Variants in PML observed in about 807,000 individuals in gnomAD.
PML encodes the protein protein PML.
Under a neutral mutation model 65.2 loss-of-function variants are expected in PML, and 28 were observed. The ratio of observed to expected loss-of-function variants is 0.43; its 90% CI spans 0.32 to 0.59. The LOEUF (loss-of-function observed/expected upper bound fraction) is 0.59, where lower values mean the gene tolerates loss of function less well. Among genes scored for constraint, PML ranks in the 20% least tolerant of loss-of-function variants. The probability of loss-of-function intolerance (pLI) is 0.08; values close to 1 mark genes in which losing one functional copy is unlikely to be tolerated. For missense variants in PML, 1,021 were observed against 1,203.4 expected, an observed-to-expected ratio of 0.85 and a Z score of 2.24; for synonymous variants, 500 against 508.8, an observed-to-expected ratio of 0.98 and a Z score of 0.23.
intron 3 of PML, among the ~76,000 whole-genome samples, chr15:74,024,390 C>T (rs1217771662): frequency 1.3e-5 from 2 of 152,200 alleles, no homozygotes; most frequent in Non-Finnish European, 2.9e-5. Context: ...AGAGTTTACA[C>T]AGCTTGCCTT....
intron 4 of PML, chr15:74,028,247 T>C (rs146798792): frequency 6.6e-6 from 1 of 152,346 alleles, no homozygotes; most frequent in East Asian, 1.9e-4. Flanking sequence ...TTTTCTCTAC[T>C]GAGCCCTCTG....
At chr15:74,011,866 TTTCCTGA>T (rs1386043154) in intron 2 of PML, among the ~76,000 whole-genome samples, 1 of 152,066 alleles carries the variant, frequency 6.6e-6, no homozygotes, top group Non-Finnish European at 1.5e-5. Context: ...GGATGCAGGG[TTTCCTGA>T]TTGCAGAATG....
intron 2 of PML, among the ~76,000 whole-genome samples, chr15:74,005,891 T>G (rs2070022846): frequency 6.6e-6 from 1 of 152,074 alleles, no homozygotes; most frequent in African/African-American, 2.4e-5. Flanking sequence ...AAAGCACAAT[T>G]TATACCCCAC....
intron 2 of PML, among the ~76,000 whole-genome samples, chr15:74,017,942 C>T: frequency 6.6e-6 from 1 of 152,146 alleles, no homozygotes; most frequent in East Asian, 1.9e-4. Context: ...TGAGACCAGC[C>T]TGGGCAAAAT....
chr15:74,033,976 T>A, intron 6 of PML: 1 of 329,636 alleles, frequency 3.0e-6, no homozygotes. Context: ...TCACCCAGAG[T>A]ACAGCTTTGT....
At chr15:74,027,195 A>T (rs1326311394) in intron 4 of PML, 1 of 152,208 alleles carries the variant, frequency 6.6e-6, no homozygotes, top group Non-Finnish European at 1.5e-5. Flanking sequence ...TTGTTGCTGC[A>T]TATTTAGGTT....
chr15:74,022,724 A>G, intron 2 of PML, 104 bp from the exon 3 acceptor site: 7 of 935,654 alleles, frequency 7.5e-6, no homozygotes, highest in Middle Eastern at 2.1e-4. Flanking sequence ...GAAACATGCC[A>G]TGATTCAAAG....
chr15:74,005,012 A>T (rs1426701427), intron 2 of PML, among the ~76,000 whole-genome samples: 1 of 146,958 alleles, frequency 6.8e-6, no homozygotes, highest in African/African-American at 2.5e-5. Context: ...GTGCCTGGCC[A>T]TACTTTTTAA....
rs1386372884 is a variant in PML, at chr15:74,037,321, C to A, written c.1710+2791C>A. On this transcript the variant is annotated intron_variant, in intron 7 of 8. Coordinates refer to ENST00000268058, the MANE Select transcript of PML (RefSeq NM_033238.3). This position sits in a 1 kb window ranked among gnomAD's most constrained non-coding sequence, Gnocchi z 4.2. ...TTACAGATCCCCATCGCACCCCTTC[C>A]CTGCCCTCGTTAGGGTGGAAGGGAT... 3.0e-6 allele frequency: 3 copies of A among 985,336 alleles called. No homozygotes were observed. The African/African-American group carries it at 5.2e-5, about 17-fold the overall frequency. The allele number at this position is 985,336 out of a possible 1,614,324, so 61.0% of individuals were successfully genotyped here.
Position 74,042,287 on chromosome 15 carries a change from C to G in PML, c.1711-702C>G. ...CTGGGGCAGATGCCAAGAGCCTCCA[C>G]TGCTCTCTCACTGCCAAGGACCTGG... On this transcript the variant is annotated intron_variant, in intron 7 of 8. Coordinates refer to ENST00000268058, the MANE Select transcript of PML (RefSeq NM_033238.3). This position sits in a 1 kb window ranked among gnomAD's most constrained non-coding sequence, Gnocchi z 5.3. 1 of 868,544 alleles carries G rather than the reference C, an allele frequency of 1.2e-6. No homozygotes were observed. Among genetic ancestry groups the G allele is most frequent in the Non-Finnish European group, 1.4e-6 (1 of 723,168 alleles). 53.8% of individuals were successfully genotyped at this position (868,544 alleles called of 1,614,324 possible).
At chr15:74,036,474 A>C in intron 7 of PML, 10 of 1,223,924 alleles carry the variant, frequency 8.2e-6, no homozygotes, top group Admixed American at 3.6e-5. Flanking sequence ...TCTCTTCCCT[A>C]TGCTGGAACT....
intron 4 of PML, among the ~76,000 whole-genome samples, chr15:74,030,957 T>C: frequency 6.6e-6 from 1 of 152,164 alleles, no homozygotes; most frequent in Non-Finnish European, 1.5e-5. Context: ...TGATTAAATT[T>C]TTTTCTTTTT....
In PML at chr15:74,044,748, C is replaced by T. The variant is rs565387284; in HGVS notation, c.2389C>T (p.Leu797Phe). 4.6e-5 allele frequency: 74 copies of T among 1,612,424 alleles called. No homozygotes were observed. The South Asian group carries it at 7.7e-4, about 17-fold the overall frequency. The change falls in exon 9 of 9, where the codon CTC (leucine) becomes TTC (phenylalanine). Residue 797 changes from leucine (L) to phenylalanine (F), a missense_variant. By Grantham distance (22) the Leu-to-Phe change is conservative. Coordinates refer to ENST00000268058, the MANE Select transcript of PML (RefSeq NM_033238.3). Reference protein sequence around the residue: ...AAVLPRAEARLLALHNVSFME... With the variant: ...AAVLPRAEARFLALHNVSFME... ...TGTGCTGCCCCGGGCTGAGGCCCGC[C>T]TCCTGGCCCTACACAACGTGAGCTT...
intron 4 of PML, among the ~76,000 whole-genome samples, chr15:74,032,116 TCTAAGTAGGG>T (rs965852680): frequency 6.6e-6 from 1 of 152,186 alleles, no homozygotes; most frequent in Non-Finnish European, 1.5e-5. Context: ...GAGGTGTGTG[TCTAAGTAGGG>T]CTAATTACTG....
intron 2 of PML, among the ~76,000 whole-genome samples, chr15:73,998,836 TG>T (rs1440439452): frequency 6.6e-6 from 1 of 152,194 alleles, no homozygotes; most frequent in Non-Finnish European, 1.5e-5. Flanking sequence ...TAGAATTTAG[TG>T]GAATTTTCCG....
At chr15:74,021,240 T>A (rs1268598913) in intron 2 of PML, among the ~76,000 whole-genome samples, 1 of 152,234 alleles carries the variant, frequency 6.6e-6, no homozygotes, top group Non-Finnish European at 1.5e-5. Flanking sequence ...TTGCCAATGC[T>A]TATAATAGTA....
At chr15:74,013,502 A>C (rs920939810) in intron 2 of PML, among the ~76,000 whole-genome samples, 1 of 152,212 alleles carries the variant, frequency 6.6e-6, no homozygotes, top group African/African-American at 2.4e-5. Flanking sequence ...TTAACATTTA[A>C]TGATTACCTT....
At position 73,994,887 on chromosome 15, in the gene PML, C is replaced by A. The variant is rs1277864933; in HGVS notation, c.75C>A (p.Pro25=). The A allele has an allele frequency of 1.3e-6, 2 of 1,552,060 alleles. No individual in the cohort carries two copies. Among genetic ancestry groups the A allele is most frequent in the East Asian group, 2.4e-5 (1 of 41,304 alleles). The change falls in exon 1 of 9, where the codon CCC becomes CCA. Residue 25 remains proline, a synonymous_variant. Coordinates refer to ENST00000268058, the MANE Select transcript of PML (RefSeq NM_033238.3). ...GGCCCCAGGAGCCCACCATGCCTCC[C>A]CCCGAGACCCCCTCTGAAGGCCGCC... ...PARPQEPTMP[P]PETPSEGRQP... is the part of the protein sequence containing the mutation.
intron 2 of PML, among the ~76,000 whole-genome samples, chr15:74,016,954 G>T (rs1463605461): frequency 3.3e-5 from 5 of 151,734 alleles, no homozygotes; most frequent in African/African-American, 1.2e-4. Context: ...ATGCCACCAT[G>T]CCCGGCCAAT....
Sources: allele counts gnomAD v4.1 joint callset (sites outside exome capture counted in the v4.1 genomes callset), GRCh38; gene constraint gnomAD v4.1.1; non-coding constraint Gnocchi (gnomAD v3.1); transcripts MANE v1.5; gene names NCBI Gene and HGNC (gene_info 2026-07-23, HGNC 2026-07-21).